Variants in KCNJ6 observed in about 807,000 individuals in gnomAD.
KCNJ6 encodes potassium inwardly rectifying channel subfamily J member 6, also known as G protein-activated inward rectifier potassium channel 2.
A neutral mutation model predicts 34.2 loss-of-function variants in KCNJ6; 9 were observed. That is an observed-to-expected ratio of 0.26 (90% CI 0.16 to 0.46). KCNJ6 has a LOEUF of 0.46. KCNJ6 is among the 20% of genes least tolerant of loss of function. The pLI is 1.00. For synonymous variants in KCNJ6, 196 were observed against 207.1 expected (o/e 0.95, Z 0.46); for missense variants, 236 against 531.3 (o/e 0.44, Z 5.46).
Position 37,608,092 on chromosome 21 carries a change from A to T in KCNJ6, c.*17067T>A, listed in dbSNP as rs2054230510. 1 of 152,184 alleles carries T rather than the reference A, an allele frequency of 6.6e-6. No individual in the cohort carries two copies. The highest frequency in any genetic ancestry group is 2.4e-5 in the African/African-American group (1 of 41,440). The allele number at this position is 152,184 out of a possible 1,614,324, so 9.4% of individuals were successfully genotyped here. A position where few individuals can be genotyped will look rare whatever the true frequency, so the allele number is the denominator to read the frequency against. ...ACTTCAGAGCCTTTAAGATGCAATG[A>T]TGGGTTTATCAATAATACTGTTCAT... On this transcript the variant is annotated 3_prime_UTR_variant, in exon 4 of 4. Transcript: ENST00000609713.
intron 3 of KCNJ6, among the ~76,000 whole-genome samples, chr21:37,708,675 C>A (rs2054734180): frequency 6.6e-6 from 1 of 152,114 alleles, no homozygotes; most frequent in Non-Finnish European, 1.5e-5. Context: ...CAGAGCTCAC[C>A]AATTAACTCT....
chr21:37,877,945 CAAGAGA>C (rs2055687023), intron 1 of KCNJ6, among the ~76,000 whole-genome samples: 1 of 152,130 alleles, frequency 6.6e-6, no homozygotes, highest in Non-Finnish European at 1.5e-5. Context: ...AGAGAAAATT[CAAGAGA>C]AAGAAAAGGC....
intron 2 of KCNJ6, among the ~76,000 whole-genome samples, chr21:37,745,224 A>G (rs2054962171): frequency 6.6e-6 from 1 of 151,820 alleles, no homozygotes; most frequent in African/African-American, 2.4e-5. Context: ...CCTTCTGAGT[A>G]GCTGGGACCA....
intron 1 of KCNJ6, among the ~76,000 whole-genome samples, chr21:37,855,511 G>T (rs2055560324): frequency 6.6e-6 from 1 of 152,204 alleles, no homozygotes; most frequent in Non-Finnish European, 1.5e-5. Flanking sequence ...ATGGAAGATG[G>T]ATTTGCATCT....
chr21:37,772,647 T>C (rs1234620523), intron 2 of KCNJ6, among the ~76,000 whole-genome samples: 1 of 152,194 alleles, frequency 6.6e-6, no homozygotes, highest in African/African-American at 2.4e-5. Context: ...TATTTTCTGA[T>C]ATTTATCTGT....
intron 1 of KCNJ6, among the ~76,000 whole-genome samples, chr21:37,867,287 A>G (rs967665037): frequency 6.6e-6 from 1 of 152,210 alleles, no homozygotes; most frequent in Non-Finnish European, 1.5e-5. Flanking sequence ...ACAGGGAGCA[A>G]CATCAGAGGC....
intron 3 of KCNJ6, among the ~76,000 whole-genome samples, chr21:37,650,475 G>T (rs1040056801): frequency 6.6e-6 from 1 of 152,080 alleles, no homozygotes; most frequent in Non-Finnish European, 1.5e-5. Context: ...CTCGCTGTGG[G>T]CTCTCAACAA....
chr21:37,725,885 A>G (rs1244139858), intron 2 of KCNJ6, among the ~76,000 whole-genome samples: 1 of 152,182 alleles, frequency 6.6e-6, no homozygotes, highest in African/African-American at 2.4e-5. Context: ...TATCTTTTCA[A>G]TGAAGCTTGC....
intron 1 of KCNJ6, among the ~76,000 whole-genome samples, chr21:37,909,744 CTTATTG>C (rs1198777880): frequency 1.3e-5 from 2 of 152,090 alleles, no homozygotes; most frequent in Non-Finnish European, 2.9e-5. Context: ...TATTATTACT[CTTATTG>C]TTATTATTTT....
chr21:37,739,328 A>G (rs1305828403), intron 2 of KCNJ6, among the ~76,000 whole-genome samples: 1 of 152,188 alleles, frequency 6.6e-6, no homozygotes, highest in Non-Finnish European at 1.5e-5. Flanking sequence ...GTTACAGAAC[A>G]TCCAGTACTG....
At chr21:37,910,689 T>A (rs2055863023) in intron 1 of KCNJ6, among the ~76,000 whole-genome samples, 1 of 152,228 alleles carries the variant, frequency 6.6e-6, no homozygotes, top group African/African-American at 2.4e-5. Context: ...GTATGATTCC[T>A]GGTCCTAAGC....
chr21:37,745,149 G>A (rs1382205557), intron 2 of KCNJ6, among the ~76,000 whole-genome samples: 1 of 144,088 alleles, frequency 6.9e-6, no homozygotes, highest in Non-Finnish European at 1.5e-5. Flanking sequence ...CTAGAGTTTG[G>A]TGGTGCAATT....
intron 1 of KCNJ6, among the ~76,000 whole-genome samples, chr21:37,879,292 G>A (rs1379334299): frequency 1.3e-5 from 2 of 152,130 alleles, no homozygotes; most frequent in East Asian, 3.9e-4. Flanking sequence ...CTGAGGACAG[G>A]GAAAGGTGGT....
Position 37,678,257 on chromosome 21 carries a change from G to C in KCNJ6, c.946+35954C>G, listed in dbSNP as rs944886995. Among the ~76,000 whole-genome samples the C allele has an allele frequency of 3.3e-5, 5 of 152,208 alleles. No homozygotes were observed. In the East Asian group the frequency reaches 7.7e-4, roughly 23 times the overall value. On this transcript the variant is annotated intron_variant, in intron 3 of 3. Coordinates refer to ENST00000609713, the MANE Select transcript of KCNJ6 (RefSeq NM_002240.5). ...TCGTTGGGCTGCTGAAGTGAAGATG[G>C]GGACATGAGATGATACTGGTCAGGT... is the stretch of plus-strand genomic sequence containing the variant.
At chr21:37,755,294 G>C (rs1367339776) in intron 2 of KCNJ6, among the ~76,000 whole-genome samples, 1 of 148,762 alleles carries the variant, frequency 6.7e-6, no homozygotes, top group Non-Finnish European at 1.5e-5. Flanking sequence ...AATGAAAAAA[G>C]AAAAAAAAAG....
At chr21:37,693,454 CA>C (rs1364933329) in intron 3 of KCNJ6, among the ~76,000 whole-genome samples, 16 of 152,114 alleles carry the variant, frequency 1.1e-4, no homozygotes, top group African/African-American at 2.4e-5. Context: ...ACCAGGAAAT[CA>C]AACCCTCAAG....
intron 2 of KCNJ6, among the ~76,000 whole-genome samples, chr21:37,831,437 C>T (rs903625778): frequency 2.6e-5 from 4 of 152,192 alleles, no homozygotes; most frequent in Non-Finnish European, 4.4e-5. Flanking sequence ...GTGCCTCACT[C>T]CCCTGGTCCT....
intron 2 of KCNJ6, among the ~76,000 whole-genome samples, chr21:37,770,645 G>C (rs2055113589): frequency 6.6e-6 from 1 of 152,124 alleles, no homozygotes; most frequent in South Asian, 2.1e-4. Flanking sequence ...AATGAGGTTT[G>C]GGTCCCTCCA....
chr21:37,696,820 C>T (rs2054665634), intron 3 of KCNJ6, among the ~76,000 whole-genome samples: 1 of 152,206 alleles, frequency 6.6e-6, no homozygotes, highest in Admixed American at 6.5e-5. Context: ...TGTATACATG[C>T]ATTCACACAT....
Sources: gnomAD v4.1 joint callset for allele counts (sites outside exome capture counted in the v4.1 genomes callset) on GRCh38, gnomAD v4.1.1 for gene constraint, MANE v1.5 for transcripts, NCBI Gene and HGNC (gene_info 2026-07-23, HGNC 2026-07-21) for gene names.